The following ROBO2 variants were observed in gnomAD, a reference collection of about 807,000 sequenced individuals.
ROBO2 encodes the protein roundabout guidance receptor 2, also known as roundabout homolog 2.
In ROBO2, 53 loss-of-function variants were observed where a neutral mutation model predicts 160.8. The observed-to-expected ratio is 0.33, with a 90% CI of 0.26 to 0.41. The LOEUF (loss-of-function observed/expected upper bound fraction) is 0.41, where lower values mean the gene tolerates loss of function less well. Among genes scored for constraint, ROBO2 ranks in the 10% least tolerant of loss-of-function variants. ROBO2 has a pLI of 1.00. For missense variants in ROBO2, 1,577 were observed against 1,722.4 expected (o/e 0.92, Z 1.49); for synonymous variants, 664 against 611.7 (o/e 1.09, Z -1.26).
intron 2 of ROBO2, among the ~76,000 whole-genome samples, chr3:76,385,854 T>C (rs944763120): frequency 3.3e-5 from 5 of 152,208 alleles, no homozygotes; most frequent in Non-Finnish European, 7.3e-5. Flanking sequence ...GCAATGTGAC[T>C]ATTCATTTTT....
chr3:76,358,840 T>C (rs1010726203), intron 2 of ROBO2, among the ~76,000 whole-genome samples: 2 of 151,692 alleles, frequency 1.3e-5, no homozygotes, highest in Non-Finnish European at 2.9e-5. Flanking sequence ...GTTACATATG[T>C]ATACATGTGC....
intron 2 of ROBO2, among the ~76,000 whole-genome samples, chr3:75,969,142 A>C (rs919084073): frequency 1.3e-5 from 2 of 148,396 alleles, no homozygotes; most frequent in African/African-American, 4.9e-5. Context: ...TATATATATA[A>C]TATTTATATT....
chr3:77,595,760 T>G (rs1490631314), intron 18 of ROBO2, among the ~76,000 whole-genome samples: 1 of 152,156 alleles, frequency 6.6e-6, no homozygotes, highest in Non-Finnish European at 1.5e-5. Flanking sequence ...CAAAAAGAGA[T>G]TAAGTCTAAT....
intron 2 of ROBO2, among the ~76,000 whole-genome samples, chr3:76,603,060 A>G (rs2087285369): frequency 6.6e-6 from 1 of 151,928 alleles, no homozygotes; most frequent in African/African-American, 2.4e-5. Context: ...GGCTGGGCGC[A>G]GTGGCTCACG....
At chr3:76,798,129 GA>G (rs2063841688) in intron 2 of ROBO2, among the ~76,000 whole-genome samples, 1 of 82,104 alleles carries the variant, frequency 1.2e-5, no homozygotes, top group Non-Finnish European at 2.5e-5. Flanking sequence ...AAAGAAGAAA[GA>G]AAGAAGAAAG....
chr3:77,164,661 T>G (rs1428461436), intron 2 of ROBO2, among the ~76,000 whole-genome samples: 1 of 89,428 alleles, frequency 1.1e-5, no homozygotes, highest in Non-Finnish European at 2.2e-5. Context: ...GGGAGGGAGG[T>G]GGGGGGGTCA....
At chr3:77,647,854 C>T (rs148668356) in exon 26 of ROBO2, 1 of 152,236 alleles carries the variant, frequency 6.6e-6, no homozygotes, top group East Asian at 1.9e-4. Context: ...ATTATTGGCT[C>T]AGTAGCCAAT....
intron 2 of ROBO2, among the ~76,000 whole-genome samples, chr3:76,901,787 A>G (rs112846185): frequency 0.011 from 1,730 of 152,092 alleles, 20 homozygotes; most frequent in African/African-American, 0.038. Context: ...ACATGTTCAT[A>G]TATGCAACTA....
intron 16 of ROBO2, among the ~76,000 whole-genome samples, chr3:77,584,350 C>T (rs934311813): frequency 6.6e-6 from 1 of 152,114 alleles, no homozygotes; most frequent in Non-Finnish European, 1.5e-5. Flanking sequence ...ATACATGCAT[C>T]CCCTTCAGTT....
chr3:76,683,497 A>G (rs1248461847), intron 2 of ROBO2, among the ~76,000 whole-genome samples: 1 of 149,788 alleles, frequency 6.7e-6, no homozygotes, highest in Non-Finnish European at 1.5e-5. Flanking sequence ...AAACACATGC[A>G]TGTGTCATCT....
At chr3:76,173,836 G>A (rs987585256) in intron 2 of ROBO2, among the ~76,000 whole-genome samples, 13 of 152,012 alleles carry the variant, frequency 8.6e-5, no homozygotes, top group African/African-American at 2.7e-4. Context: ...ATTTGCATGC[G>A]TTGTCTTAGT....
intron 2 of ROBO2, among the ~76,000 whole-genome samples, chr3:77,257,364 G>A (rs1405564586): frequency 2.0e-5 from 3 of 152,186 alleles, no homozygotes; most frequent in Non-Finnish European, 2.9e-5. Flanking sequence ...TCACAGAGCA[G>A]GTGGGATTGT....
At position 77,587,878 on chromosome 3, in the gene ROBO2, A is replaced by G. The variant is rs114522630; in HGVS notation, c.2501-873A>G. On this transcript the variant is annotated intron_variant, in intron 16 of 25. Transcript: ENST00000461745. ...AGAAATCACTTAATTCCCAGCATCTACATTTCTTAATCTGCTAAATAAGCC... is the reference window on the plus strand; with the variant it reads ...AGAAATCACTTAATTCCCAGCATCTGCATTTCTTAATCTGCTAAATAAGCC... Among the ~76,000 whole-genome samples, 1,153 of 152,212 alleles carry G rather than the reference A, an allele frequency of 7.6e-3. 18 individuals carry two copies. Among genetic ancestry groups the G allele is most frequent in the African/African-American group, 0.027 (1,104 of 41,560 alleles).
intron 2 of ROBO2, among the ~76,000 whole-genome samples, chr3:76,222,827 T>C (rs1704055132): frequency 6.6e-6 from 1 of 152,032 alleles, no homozygotes; most frequent in Non-Finnish European, 1.5e-5. Flanking sequence ...TGATCTGGGC[T>C]CACTGCAACC....
At position 77,085,260 on chromosome 3, in the gene ROBO2, T is replaced by A. The variant is rs550512531; in HGVS notation, c.62-12754T>A. 2.0e-5 allele frequency among the ~76,000 whole-genome samples: 3 copies of A among 152,128 alleles called. No individual in the cohort carries two copies. The South Asian group carries it at 6.2e-4, about 32-fold the overall frequency. On this transcript the variant is annotated intron_variant, in intron 1 of 25. Coordinates refer to ENST00000461745, the Ensembl canonical transcript of ROBO2. The stretch of plus-strand genomic sequence containing the variant: ...TTTTATTAAAGACGTAAATTTATAC[T>A]TATTTATTATTTTAATGCATTGCAT...
intron 2 of ROBO2, among the ~76,000 whole-genome samples, chr3:77,117,396 G>T (rs1054493398): frequency 1.3e-5 from 2 of 152,090 alleles, no homozygotes; most frequent in African/African-American, 2.4e-5. Context: ...AACAAGATGT[G>T]AAATAAGATT....
chr3:77,259,912 A>G (rs897306183), intron 2 of ROBO2, among the ~76,000 whole-genome samples: 1 of 152,160 alleles, frequency 6.6e-6, no homozygotes, highest in African/African-American at 2.4e-5. Context: ...CGGCAGCACC[A>G]TCTGGGGCTC....
chr3:77,050,354 G>T (rs1424797048), intron 1 of ROBO2, among the ~76,000 whole-genome samples: 1 of 141,862 alleles, frequency 7.0e-6, no homozygotes, highest in Non-Finnish European at 1.5e-5. Context: ...ACCTTTGAAT[G>T]CCAGCAACAA....
chr3:75,930,943 T>A (rs1365818953), intron 1 of ROBO2, among the ~76,000 whole-genome samples: 1 of 152,242 alleles, frequency 6.6e-6, no homozygotes, highest in East Asian at 1.9e-4. Context: ...TACACTTTGT[T>A]AGCTACATAG....
Sources: allele counts gnomAD v4.1 joint callset (sites outside exome capture counted in the v4.1 genomes callset), GRCh38; gene constraint gnomAD v4.1.1; transcripts MANE v1.5; gene names NCBI Gene and HGNC (gene_info 2026-07-23, HGNC 2026-07-21).